The following XPNPEP3 variants were observed in gnomAD, a reference collection of about 807,000 sequenced individuals.
The protein encoded by XPNPEP3 is xaa-Pro aminopeptidase 3.
XPNPEP3 carries 41 observed loss-of-function variants against 60.0 expected under a neutral mutation model. The observed-to-expected ratio is 0.68, with a 90% CI of 0.53 to 0.89. The LOEUF is 0.89. Ranked by LOEUF, XPNPEP3 falls within the 40% of genes least tolerant of loss-of-function variation. The pLI is 0.00. For synonymous variants in XPNPEP3, 212 were observed against 223.2 expected (o/e 0.95, Z 0.45); for missense variants, 598 against 638.9 (o/e 0.94, Z 0.69).
intron 4 of XPNPEP3, among the ~76,000 whole-genome samples, chr22:40,892,211 G>A (rs1453336953): frequency 2.6e-5 from 4 of 151,398 alleles, no homozygotes; most frequent in Non-Finnish European, 4.4e-5. Context: ...TTTTTGAGAC[G>A]GAATCGCTGT....
At chr22:40,922,187 G>A in intron 7 of XPNPEP3, 146 bp from the exon 8 acceptor site, 1 of 876,204 alleles carries the variant, frequency 1.1e-6, no homozygotes, top group Non-Finnish European at 1.8e-6. Flanking sequence ...TGAGCTCCTG[G>A]CCATATTGAT....
At chr22:40,864,099 T>A (rs2057965554) in intron 1 of XPNPEP3, among the ~76,000 whole-genome samples, 1 of 152,268 alleles carries the variant, frequency 6.6e-6, no homozygotes, top group Non-Finnish European at 1.5e-5. Context: ...GAATGGCTAC[T>A]CCATAGGCAG....
intron 1 of XPNPEP3, chr22:40,859,902 T>C (rs943672987): frequency 3.3e-5 from 5 of 152,192 alleles, no homozygotes; most frequent in African/African-American, 4.8e-5. Flanking sequence ...AGTAATGTAT[T>C]TGTAGATTTT....
At chr22:40,861,279 C>T (rs1487855671) in intron 1 of XPNPEP3, 1 of 1,614,132 alleles carries the variant, frequency 6.2e-7, no homozygotes. Flanking sequence ...CTGTGTTCTC[C>T]AGCTGCATTC....
At chr22:40,899,538 G>T (rs2058123026) in intron 4 of XPNPEP3, among the ~76,000 whole-genome samples, 1 of 151,744 alleles carries the variant, frequency 6.6e-6, no homozygotes, top group Non-Finnish European at 1.5e-5. Flanking sequence ...GAATGAAGTT[G>T]TGCCCGGGCA....
At chr22:40,912,052 C>T (rs533483177) in intron 6 of XPNPEP3, among the ~76,000 whole-genome samples, 1 of 151,808 alleles carries the variant, frequency 6.6e-6, no homozygotes, top group African/African-American at 2.4e-5. Flanking sequence ...GCAAACAGTG[C>T]CAATTTTCTA....
chr22:40,930,053 A>G lies in XPNPEP3; in HGVS notation c.*3618A>G, dbSNP rs747079119. 6 of 151,856 alleles carry G rather than the reference A, an allele frequency of 4.0e-5. No homozygotes were observed. Among genetic ancestry groups the G allele is most frequent in the African/African-American group, 1.5e-4 (6 of 41,368 alleles). The allele number at this position is 151,856 out of a possible 1,614,324, so 9.4% of individuals were successfully genotyped here. A position where few individuals can be genotyped will look rare whatever the true frequency, so the allele number is the denominator to read the frequency against. ...ATAAACTTCTAAGGGTAAAAAGTGA[A>G]TAAGATAAATTCAGAGTTTTAAGGT... On this transcript the variant is annotated 3_prime_UTR_variant, in exon 10 of 10. Coordinates refer to ENST00000357137, the MANE Select transcript of XPNPEP3 (RefSeq NM_022098.4).
intron 4 of XPNPEP3, among the ~76,000 whole-genome samples, chr22:40,904,787 T>C (rs1255461816): frequency 1.3e-5 from 2 of 152,300 alleles, no homozygotes; most frequent in Non-Finnish European, 2.9e-5. Context: ...TTTTTTGAGA[T>C]GGAGTCTTGC....
At chr22:40,862,852 C>A in intron 1 of XPNPEP3, 2 of 592,510 alleles carry the variant, frequency 3.4e-6, no homozygotes, top group Non-Finnish European at 4.2e-6. Context: ...GAACAAAAGA[C>A]ACCAGTTTTC....
chr22:40,907,248 C>T (rs1213399357), intron 4 of XPNPEP3: 6 of 440,144 alleles, frequency 1.4e-5, no homozygotes, highest in Admixed American at 5.3e-5. Flanking sequence ...AGTGAAACCC[C>T]GACTCTACTA....
Position 40,882,132 on chromosome 22 carries a change from G to A in XPNPEP3, c.544G>A (p.Ala182Thr), listed in dbSNP as rs763389711. The change falls in exon 3 of 10, where the codon GCC (alanine) becomes ACC (threonine). Residue 182 changes from alanine (A) to threonine (T), a missense_variant. Transcript: ENST00000357137. Reference protein sequence around the residue: ...GAIALTGVDEAYTLEEFQHLL... With the variant: ...GAIALTGVDETYTLEEFQHLL... ...AATAGCTCTAACTGGAGTAGACGAA[G>A]CCTATACGCTAGAAGAATTTCAACA... 15 of 1,614,148 alleles carry A rather than the reference G, an allele frequency of 9.3e-6. No homozygotes were observed. In the South Asian group the frequency reaches 9.9e-5, roughly 11 times the overall value.
chr22:40,921,486 TAAA>T (rs1271058960), intron 7 of XPNPEP3, among the ~76,000 whole-genome samples: 2 of 103,920 alleles, frequency 1.9e-5, no homozygotes, highest in Non-Finnish European at 4.1e-5. Context: ...ACCTTGTCTC[TAAA>T]AAAAAAAAAA....
intron 4 of XPNPEP3, among the ~76,000 whole-genome samples, chr22:40,896,785 A>T (rs2058109945): frequency 1.3e-5 from 2 of 152,108 alleles, no homozygotes; most frequent in Admixed American, 6.6e-5. Flanking sequence ...TAGAAATTGT[A>T]CTCAATAAAT....
chr22:40,862,237 C>T (rs2057954659), intron 1 of XPNPEP3: 2 of 1,239,712 alleles, frequency 1.6e-6, no homozygotes, highest in Admixed American at 4.2e-5. Context: ...GGGACTGGAC[C>T]TTCCAAATAG....
intron 4 of XPNPEP3, among the ~76,000 whole-genome samples, chr22:40,897,356 A>G (rs1201596047): frequency 1.3e-5 from 2 of 152,034 alleles, no homozygotes; most frequent in African/African-American, 4.8e-5. Flanking sequence ...GTCATTGGAC[A>G]CTTGGGTTGT....
intron 4 of XPNPEP3, among the ~76,000 whole-genome samples, chr22:40,899,091 T>A (rs1183887101): frequency 6.6e-6 from 1 of 152,212 alleles, no homozygotes; most frequent in African/African-American, 2.4e-5. Flanking sequence ...CTCAGGGTAT[T>A]GCATGTAATA....
In XPNPEP3 at chr22:40,898,225, A is replaced by ATTT. The variant is rs71200626; in HGVS notation, c.793-9325_793-9323dup. On this transcript the variant is annotated intron_variant, in intron 4 of 9. Coordinates refer to ENST00000357137, the MANE Select transcript of XPNPEP3 (RefSeq NM_022098.4). ...TGTTTTATGTTTAGGTCTTTGACCCATTTTTTTTTTTTTTTTTTTTTTTTT... is the reference window on the plus strand; with the variant it reads ...TGTTTTATGTTTAGGTCTTTGACCCATTTTTTTTTTTTTTTTTTTTTTTTTTTT... Among the ~76,000 whole-genome samples the ATTT allele has an allele frequency of 4.2e-4, 12 of 28,784 alleles. 4 individuals are homozygous for ATTT. The highest frequency in any genetic ancestry group is 5.0e-4 in the Admixed American group (1 of 2,014). 18.9% of individuals were successfully genotyped at this position (28,784 alleles called of 152,430 possible).
At chr22:40,912,851 A>G (rs948657484) in intron 6 of XPNPEP3, among the ~76,000 whole-genome samples, 19 of 152,140 alleles carry the variant, frequency 1.2e-4, no homozygotes, top group Admixed American at 1.0e-3. Flanking sequence ...GCTCTGGGCA[A>G]TAGAGCAAGA....
intron 1 of XPNPEP3, among the ~76,000 whole-genome samples, chr22:40,866,560 C>T (rs1032621229): frequency 2.0e-5 from 3 of 152,088 alleles, no homozygotes; most frequent in Non-Finnish European, 4.4e-5. Flanking sequence ...CTTCAAGTAG[C>T]TTAGTGTGGC....
Sources: gnomAD v4.1 joint callset for allele counts (sites outside exome capture counted in the v4.1 genomes callset) on GRCh38, gnomAD v4.1.1 for gene constraint, MANE v1.5 for transcripts, NCBI Gene and HGNC (gene_info 2026-07-23, HGNC 2026-07-21) for gene names.